Variants in PRELID2 observed in about 807,000 individuals in gnomAD.
PRELID2 encodes the protein PRELI domain containing 2.
PRELID2 carries 25 observed loss-of-function variants against 28.4 expected under a neutral mutation model. The observed-to-expected ratio is 0.88, with a 90% CI of 0.64 to 1.23. The LOEUF (loss-of-function observed/expected upper bound fraction) is 1.23, where lower values mean the gene tolerates loss of function less well. Among genes scored for constraint, PRELID2 ranks in the 50% most tolerant of loss-of-function variants. The pLI is 0.00. For synonymous variants in PRELID2, 76 were observed against 71.6 expected (o/e 1.06, Z -0.31); for missense variants, 201 against 214.4 (o/e 0.94, Z 0.39).
Position 145,535,844 on chromosome 5 carries a change from T to C in PRELID2, n.71-62529A>G, listed in dbSNP as rs114282074. On this transcript the variant is annotated intron_variant and non_coding_transcript_variant, in intron 1 of 2. Transcript: ENST00000510259. ...CACTTCTTCCTTTAGTTCTGACATGTCACATACTAGAATCAAAGAATGGGC... is the reference window on the plus strand; with the variant it reads ...CACTTCTTCCTTTAGTTCTGACATGCCACATACTAGAATCAAAGAATGGGC... Among the ~76,000 whole-genome samples the C allele has an allele frequency of 7.7e-3, 1,165 of 152,046 alleles. 21 individuals are homozygous for C. The highest frequency in any genetic ancestry group is 0.027 in the African/African-American group (1,117 of 41,518).
chr5:145,670,283 G>A (rs1466414195), intron 1 of PRELID2, among the ~76,000 whole-genome samples: 1 of 152,020 alleles, frequency 6.6e-6, no homozygotes, highest in Non-Finnish European at 1.5e-5. Flanking sequence ...GAGAGTGCCA[G>A]GCTCTTTTTA....
At chr5:145,628,160 A>G (rs1309180237) in intron 1 of PRELID2, among the ~76,000 whole-genome samples, 2 of 151,736 alleles carry the variant, frequency 1.3e-5, no homozygotes, top group African/African-American at 4.9e-5. Flanking sequence ...TAAGGCAATT[A>G]GGCAATCTAT....
At chr5:145,826,943 C>T (rs913044864) in intron 1 of PRELID2, among the ~76,000 whole-genome samples, 1 of 152,116 alleles carries the variant, frequency 6.6e-6, no homozygotes, top group African/African-American at 2.4e-5. Context: ...AAAGCCAATG[C>T]CTTTTTTTAA....
the PRELID2 span, among the ~76,000 whole-genome samples, chr5:145,343,513 A>C: frequency 1.3e-5 from 2 of 151,976 alleles, no homozygotes; most frequent in Non-Finnish European, 2.9e-5. Flanking sequence ...GAGATACAAC[A>C]AAAGTAGTAC....
chr5:145,340,774 T>C, the PRELID2 span, among the ~76,000 whole-genome samples: 4 of 76,296 alleles, frequency 5.2e-5, no homozygotes, highest in Admixed American at 2.4e-4. Context: ...AATATACATA[T>C]ATATATATAT....
chr5:145,632,799 C>T (rs143499826), intron 1 of PRELID2, among the ~76,000 whole-genome samples: 15 of 152,228 alleles, frequency 9.9e-5, no homozygotes, highest in Middle Eastern at 3.4e-3. Flanking sequence ...AGGGATTTTT[C>T]AGATAAAATT....
chr5:145,595,083 G>A lies in PRELID2; in HGVS notation n.71-121768C>T, dbSNP rs1311308496. Among the ~76,000 whole-genome samples the A allele has an allele frequency of 6.0e-5, 9 of 150,942 alleles. 1 individual carries two copies. The highest frequency in any genetic ancestry group is 1.3e-4 in the Admixed American group (2 of 15,090). ...GCAGAGGTTGCAGTGAGCCAAGATC[G>A]TACCACTGCACTCCAGCCTGGGCGA... On this transcript the variant is annotated intron_variant and non_coding_transcript_variant, in intron 1 of 2. Coordinates refer to the PRELID2 transcript ENST00000510259.
chr5:145,287,446 T>C, the PRELID2 span, among the ~76,000 whole-genome samples: 1 of 152,136 alleles, frequency 6.6e-6, no homozygotes, highest in Non-Finnish European at 1.5e-5. Flanking sequence ...CTAACAAATA[T>C]GCTGAAAAAA....
downstream of PRELID2, among the ~76,000 whole-genome samples, chr5:145,468,408 T>A (rs1752022750): frequency 6.6e-6 from 1 of 152,210 alleles, no homozygotes; most frequent in African/African-American, 2.4e-5. Context: ...GCAGCATGAT[T>A]TATAATCCTT....
chr5:145,295,889 G>A, the PRELID2 span, among the ~76,000 whole-genome samples: 1 of 152,128 alleles, frequency 6.6e-6, no homozygotes, highest in Non-Finnish European at 1.5e-5. Flanking sequence ...GATGATTTGT[G>A]AGAATTTGAG....
chr5:145,495,960 C>T (rs1752306662), intron 1 of PRELID2, among the ~76,000 whole-genome samples: 1 of 152,140 alleles, frequency 6.6e-6, no homozygotes, highest in Non-Finnish European at 1.5e-5. Context: ...TGTTCCATTA[C>T]CATGTGCCCT....
At chr5:145,613,837 T>A (rs1252886433) in intron 1 of PRELID2, among the ~76,000 whole-genome samples, 1 of 152,164 alleles carries the variant, frequency 6.6e-6, no homozygotes, top group Non-Finnish European at 1.5e-5. Flanking sequence ...GGTTTAGCTA[T>A]TTATCTTTGT....
chr5:145,493,223 G>A (rs1332898110), intron 1 of PRELID2, among the ~76,000 whole-genome samples: 4 of 95,770 alleles, frequency 4.2e-5, no homozygotes, highest in Admixed American at 2.1e-4. Flanking sequence ...CTTGCTCCCA[G>A]ATTGTCCCTG....
At chr5:145,693,505 A>C (rs1382964987) in intron 1 of PRELID2, among the ~76,000 whole-genome samples, 1 of 152,130 alleles carries the variant, frequency 6.6e-6, no homozygotes, top group Admixed American at 6.5e-5. Context: ...GCAGTGGCTC[A>C]TACCTATAAT....
rs1752317085 is a variant in PRELID2 at position 145,497,237 on chromosome 5, AT to A, written n.71-23923del. On this transcript the variant is annotated intron_variant and non_coding_transcript_variant, in intron 1 of 2. Coordinates refer to the PRELID2 transcript ENST00000510259. ...TTTCCCAGGGGATTCCGTTCCAGTCATCCACTGTGCTTTTGTAGTACAGTAT... is the reference window on the plus strand; with the variant it reads ...TTTCCCAGGGGATTCCGTTCCAGTCACCACTGTGCTTTTGTAGTACAGTAT... Among the ~76,000 whole-genome samples, 3 of 152,286 alleles carry A rather than the reference AT, an allele frequency of 2.0e-5. No individual in the cohort carries two copies. The East Asian group carries it at 5.8e-4, about 29-fold the overall frequency.
chr5:145,419,624 A>G, the PRELID2 span, among the ~76,000 whole-genome samples: 2 of 150,612 alleles, frequency 1.3e-5, no homozygotes, highest in Non-Finnish European at 3.0e-5. Context: ...TAGATTCTGG[A>G]TATTAGCCCT....
intron 1 of PRELID2, among the ~76,000 whole-genome samples, chr5:145,540,854 T>C (rs1211427526): frequency 6.6e-6 from 1 of 151,862 alleles, no homozygotes; most frequent in Admixed American, 6.6e-5. Context: ...AATATGAATA[T>C]ATATCAGGTT....
chr5:145,733,597 G>A (rs1222715942), intron 1 of PRELID2, among the ~76,000 whole-genome samples: 1 of 152,156 alleles, frequency 6.6e-6, no homozygotes, highest in Non-Finnish European at 1.5e-5. Flanking sequence ...AGCAATCTGA[G>A]TACAGAATCC....
chr5:145,437,973 G>T, the PRELID2 span, among the ~76,000 whole-genome samples: 1 of 152,088 alleles, frequency 6.6e-6, no homozygotes, highest in Non-Finnish European at 1.5e-5. Flanking sequence ...AAGCAGAACA[G>T]TCAGACAAAT....
Sources: gnomAD v4.1 joint callset for allele counts (sites outside exome capture counted in the v4.1 genomes callset) on GRCh38, gnomAD v4.1.1 for gene constraint, MANE v1.5 for transcripts, NCBI Gene and HGNC (gene_info 2026-07-23, HGNC 2026-07-21) for gene names.